Variants in PMS2 observed in about 807,000 individuals in gnomAD.
PMS2 encodes PMS1 homolog 2, mismatch repair system component.
In PMS2, 69 loss-of-function variants were observed where a neutral mutation model predicts 90.0. That is an observed-to-expected ratio of 0.77 (90% CI 0.63 to 0.94). The LOEUF (loss-of-function observed/expected upper bound fraction) is 0.94, where lower values mean the gene tolerates loss of function less well. PMS2 is among the 40% of genes least tolerant of loss of function. The pLI is 0.00. For synonymous variants in PMS2, 332 were observed against 375.1 expected, an observed-to-expected ratio of 0.89 and a Z score of 1.33; for missense variants, 966 against 1,040.2, an observed-to-expected ratio of 0.93 and a Z score of 0.98.
In PMS2 at chr7:6,004,802, T is replaced by C. The variant is rs1478154209; in HGVS notation, c.164-744A>G. 2.0e-5 allele frequency among the ~76,000 whole-genome samples: 3 copies of C among 151,988 alleles called. No homozygotes were observed. In the East Asian group the frequency reaches 5.8e-4, roughly 29 times the overall value. ...GCTTTATAATCTCAAAAAAAGGAAA[T>C]TTCCTATCCCCTAATTTCCTCATTT... On this transcript the variant is annotated intron_variant, in intron 2 of 14. Coordinates refer to ENST00000265849, the MANE Select transcript of PMS2 (RefSeq NM_000535.7).
chr7:5,985,557 CTTTTT>C (rs898216216), intron 11 of PMS2, among the ~76,000 whole-genome samples: 1 of 115,796 alleles, frequency 8.6e-6, no homozygotes, highest in Non-Finnish European at 1.8e-5. Context: ...TTTTCTTTTT[CTTTTT>C]TTTTTTTTTG....
At chr7:6,002,676 C>G (rs781569608) in intron 4 of PMS2, 40 bp from the exon 5 acceptor site, 1 of 1,513,908 alleles carries the variant, frequency 6.6e-7, no homozygotes, top group Non-Finnish European at 9.2e-7. Flanking sequence ...CAGTGAGAGA[C>G]CCATGATGTT....
intron 8 of PMS2, among the ~76,000 whole-genome samples, chr7:5,995,320 A>G (rs886616438): frequency 1.3e-5 from 2 of 152,182 alleles, no homozygotes; most frequent in Non-Finnish European, 2.9e-5. Context: ...TACAGGCATG[A>G]GCCACTGCGC....
At position 5,995,678 on chromosome 7, in the gene PMS2, G is replaced by T; in HGVS notation, c.804-45C>A. The T allele has an allele frequency of 1.5e-6, 2 of 1,301,548 alleles. No individual in the cohort carries two copies. The highest frequency in any genetic ancestry group is 2.2e-6 in the Non-Finnish European group (2 of 894,550). The allele number at this position is 1,301,548 out of a possible 1,614,324, so 80.6% of individuals were successfully genotyped here. On this transcript the variant is annotated intron_variant, in intron 7 of 14. Transcript: ENST00000265849. ...TAAGGGCAGGATTCCAGAGTGAAAGGGATTAGAAATACGATCACATGGCAC... is the reference window on the plus strand; with the variant it reads ...TAAGGGCAGGATTCCAGAGTGAAAGTGATTAGAAATACGATCACATGGCAC...
At chr7:5,996,809 C>G (rs937265967) in intron 7 of PMS2, among the ~76,000 whole-genome samples, 6 of 151,982 alleles carry the variant, frequency 3.9e-5, no homozygotes, top group Non-Finnish European at 7.4e-5. Context: ...AGAAAACCAC[C>G]TGAAATATAC....
intron 1 of PMS2, 105 bp downstream of exon 1, chr7:6,008,892 A>T: frequency 7.1e-7 from 1 of 1,408,866 alleles, no homozygotes; most frequent in Non-Finnish European, 1.0e-6. Flanking sequence ...CTGCCTCGCC[A>T]CGCGCCTCGG....
At chr7:6,006,489 T>C (rs1036388358) in intron 1 of PMS2, among the ~76,000 whole-genome samples, 1 of 152,088 alleles carries the variant, frequency 6.6e-6, no homozygotes, top group Non-Finnish European at 1.5e-5. Context: ...CCGTCTTTAC[T>C]AAAAATACAA....
Position 5,973,077 on chromosome 7 carries a change from A to C in PMS2, c.*322T>G, listed in dbSNP as rs1306736333. Among the ~76,000 whole-genome samples the C allele has an allele frequency of 7.4e-5, 10 of 134,526 alleles. No individual in the cohort carries two copies. The highest frequency in any genetic ancestry group is 1.6e-4 in the Non-Finnish European group (10 of 62,186). The allele number at this position is 134,526 out of a possible 152,430, so 88.3% of individuals were successfully genotyped here. A position where few individuals can be genotyped will look rare whatever the true frequency, so the allele number is the denominator to read the frequency against. On this transcript the variant is annotated 3_prime_UTR_variant, in exon 15 of 15. Transcript: ENST00000265849. ...AGGCTGGTCTCGAACTTCTGATCTC[A>C]GGTGATCCGCCGGCCTCGGCCTCCC...
intron 1 of PMS2, among the ~76,000 whole-genome samples, chr7:6,006,336 C>A (rs1785763271): frequency 6.6e-6 from 1 of 152,108 alleles, no homozygotes; most frequent in South Asian, 2.1e-4. Flanking sequence ...TCTTTGGCAA[C>A]AATGGTGTCT....
chr7:5,997,442 AAT>A lies in PMS2; in HGVS notation c.706-21_706-20del. The A allele has an allele frequency of 7.9e-7, 1 of 1,270,304 alleles. No homozygotes were observed. Among genetic ancestry groups the A allele is most frequent in the Non-Finnish European group, 1.1e-6 (1 of 879,386 alleles). 78.7% of individuals were successfully genotyped at this position (1,270,304 alleles called of 1,614,324 possible). ...TTTGCAACTGAAAAAAAAAAAAAAA[AAT>A]TCACAGTTACTTCCTAATAAAGACA... On this transcript the variant is annotated intron_variant, in intron 6 of 14. Transcript: ENST00000265849.
At position 6,003,722 on chromosome 7, in the gene PMS2, C is replaced by T. The variant is rs756420858; in HGVS notation, c.321G>A (p.Arg107=). The change falls in exon 4 of 15, where the codon CGG becomes CGA. Residue 107 remains arginine, a synonymous_variant. Coordinates refer to ENST00000265849, the MANE Select transcript of PMS2 (RefSeq NM_000535.7). ...CACAAAGTGAGCTCAGAGCTTCCCC[C>T]CGAAAGCCAAAAGTTTCAACCTGAG... ...DLTQVETFGF[R]GEALSSLCAL... is the part of the protein sequence containing the mutation. 6.9e-6 allele frequency: 11 copies of T among 1,598,118 alleles called. No individual in the cohort carries two copies. The highest frequency in any genetic ancestry group is 1.7e-5 in the Admixed American group (1 of 59,956).
rs747495075 is a variant in PMS2 at position 5,987,506 on chromosome 7, A to G, written c.1259T>C (p.Leu420Pro). 3.1e-6 allele frequency: 5 copies of G among 1,614,072 alleles called. No homozygotes were observed. In the South Asian group the frequency reaches 3.3e-5, roughly 11 times the overall value. ...GTGACGAAGAGAAAAGGCCTCTCGC[A>G]GTCTGGAAATGGACACGTCTTTTTT... ...EEKKDVSISR[L>P]REAFSLRHTT... Residue 420 changes from leucine to proline, a missense_variant, in exon 11 of 15, where the codon CTG becomes CCG. By Grantham distance (98) the Leu-to-Pro change is moderately conservative. Transcript: ENST00000265849.
chr7:6,004,633 T>A (rs529481989), intron 2 of PMS2, among the ~76,000 whole-genome samples: 1 of 150,910 alleles, frequency 6.6e-6, no homozygotes, highest in African/African-American at 2.4e-5. Flanking sequence ...GAGAATCACT[T>A]GAACCCAGGA....
rs1064793236 is a variant in PMS2 at position 5,986,802 on chromosome 7, C to T, written c.1963G>A (p.Gly655Arg). ...YRKFRAKICP[G>R]ENQAAEDELR... ...TCATCTTCGGCTGCTTGATTTTCTC[C>T]AGGACAAATCTTTGCCCTAAACTTC... is the stretch of plus-strand genomic sequence containing the variant. Residue 655 changes from glycine to arginine, a missense_variant, in exon 11 of 15, where the codon GGA becomes AGA. This residue lies in a region of PMS2 where 871 missense variants were observed against 802.4 expected (regional missense o/e 1.09). Coordinates refer to ENST00000265849, the MANE Select transcript of PMS2 (RefSeq NM_000535.7). The T allele has an allele frequency of 1.9e-6, 3 of 1,610,420 alleles. No homozygotes were observed. Among genetic ancestry groups the T allele is most frequent in the East Asian group, 2.2e-5 (1 of 44,884 alleles).
At chr7:6,003,053 G>C (rs918828240) in intron 4 of PMS2, among the ~76,000 whole-genome samples, 2 of 151,972 alleles carry the variant, frequency 1.3e-5, no homozygotes, top group Non-Finnish European at 2.9e-5. Flanking sequence ...CAGCACTTTG[G>C]GAGGCCAAGG....
chr7:5,997,335 T>C lies in PMS2; in HGVS notation c.794A>G (p.Asn265Ser), dbSNP rs754164213. 1.3e-6 allele frequency: 2 copies of C among 1,531,116 alleles called. No individual in the cohort carries two copies. The highest frequency in any genetic ancestry group is 1.4e-5 in the African/African-American group (1 of 73,056). The allele number at this position is 1,531,116 out of a possible 1,614,324, so 94.8% of individuals were successfully genotyped here. A position where few individuals can be genotyped will look rare whatever the true frequency, so the allele number is the denominator to read the frequency against. ...CCAGCAATCTACTTACTAAAAAAGA[T>C]TATGCAGAGCATCGGAACAGCTCAA... ...YGLSCSDALH[N>S]LFYISGFISQ... Residue 265 changes from asparagine to serine, a missense_variant, in exon 7 of 15, where the codon AAT becomes AGT. Asn to Ser is a conservative substitution (Grantham distance 46). Transcript: ENST00000265849.
chr7:5,988,530 T>C (rs1228525211), intron 10 of PMS2, among the ~76,000 whole-genome samples: 2 of 152,106 alleles, frequency 1.3e-5, no homozygotes, highest in Non-Finnish European at 2.9e-5. Flanking sequence ...TCCACTGCAC[T>C]CCAGCCTGGG....
chr7:5,978,606 G>A lies in PMS2; in HGVS notation c.2265C>T (p.Ile755=), dbSNP rs145646046. ...TAATTAATAACTTACCATTTTCATC[G>A]ATAACAAAATCAAAGCCATTCTTTC... ...IFRKNGFDFV[I]DENAPVTERA... is the part of the protein sequence containing the mutation. The change falls in exon 13 of 15, where the codon ATC becomes ATT. Residue 755 remains isoleucine (I), a synonymous_variant. Coordinates refer to ENST00000265849, the MANE Select transcript of PMS2 (RefSeq NM_000535.7). 92 of 1,602,058 alleles carry A rather than the reference G, an allele frequency of 5.7e-5. 5 individuals are homozygous for A. The South Asian group carries it at 7.7e-4, about 13-fold the overall frequency.
chr7:5,995,438 C>T (rs1784278194), intron 8 of PMS2, 96 bp downstream of exon 8: 5 of 774,916 alleles, frequency 6.5e-6, no homozygotes, highest in Non-Finnish European at 1.2e-5. Context: ...TTCTCAAAGT[C>T]CCGAGCTCCA....
Sources: gnomAD v4.1 joint callset for allele counts (sites outside exome capture counted in the v4.1 genomes callset) on GRCh38, gnomAD v4.1.1 for gene constraint, gnomAD v4.1.1 regional missense constraint, MANE v1.5 for transcripts, NCBI Gene and HGNC (gene_info 2026-07-23, HGNC 2026-07-21) for gene names.